Variants in TRPM7 observed in about 807,000 individuals in gnomAD.
The protein encoded by TRPM7 is transient receptor potential cation channel subfamily M member 7.
Under a neutral mutation model 229.7 loss-of-function variants are expected in TRPM7, and 134 were observed. The observed-to-expected ratio is 0.58, with a 90% CI of 0.51 to 0.67. TRPM7 has a LOEUF of 0.67. Among genes scored for constraint, TRPM7 ranks in the 30% least tolerant of loss-of-function variants. The pLI, the probability that TRPM7 is intolerant of heterozygous loss-of-function variation, is 0.00. For synonymous variants in TRPM7, 699 were observed against 715.2 expected (o/e 0.98, Z 0.36); for missense variants, 1,901 against 2,210.0 (o/e 0.86, Z 2.80).
At chr15:50,629,080 G>A (rs2060649273) in intron 10 of TRPM7, among the ~76,000 whole-genome samples, 1 of 152,072 alleles carries the variant, frequency 6.6e-6, no homozygotes, top group South Asian at 2.1e-4. Flanking sequence ...TGAATTTTTT[G>A]CTGAGTATGT....
rs1331830399 is a variant in TRPM7, at chr15:50,637,446, T to C, written c.808A>G (p.Ile270Val). ...VRLRRELEKT[I>V]NQQRIHARIG... The stretch of plus-strand genomic sequence containing the variant: ...CTAGCATGAATTCTTTGCTGATTAA[T>C]AGTTTTTTCAAGTTCTCTTCTCAGT... Residue 270 changes from isoleucine (I) to valine (V), a missense_variant, in exon 7 of 39, where the codon ATT becomes GTT. Ile to Val is a conservative substitution (Grantham distance 29). Transcript: ENST00000646667. 5.6e-6 allele frequency: 9 copies of C among 1,611,740 alleles called. No homozygotes were observed. The South Asian group carries it at 1.0e-4, about 18-fold the overall frequency.
intron 17 of TRPM7, 135 bp from the exon 18 acceptor site, chr15:50,610,096 G>A: frequency 6.3e-6 from 4 of 633,000 alleles, no homozygotes; most frequent in South Asian, 3.2e-5. Flanking sequence ...TAGCAGTAGA[G>A]GGAAAAAAAA....
At chr15:50,582,816 T>C (rs1465628027) in intron 29 of TRPM7, among the ~76,000 whole-genome samples, 1 of 152,190 alleles carries the variant, frequency 6.6e-6, no homozygotes, top group African/African-American at 2.4e-5. Flanking sequence ...AATCAATCAT[T>C]ATCGCAGTTA....
chr15:50,652,328 C>CAAAAAAAAAAAAAAAAAAAAAAAAAAAAA (rs34122648), intron 3 of TRPM7, among the ~76,000 whole-genome samples: 1 of 34,230 alleles, frequency 2.9e-5, no homozygotes, highest in Non-Finnish European at 4.7e-5. Flanking sequence ...GACTCCATCT[C>CAAAAAAAAAAAAAAAAAAAAAAAAAAAAA]AAAAAAAAAA....
In TRPM7 at chr15:50,592,118, C is replaced by G. The variant is rs1182636776; in HGVS notation, c.4117G>C (p.Glu1373Gln). The G allele has an allele frequency of 1.2e-6, 2 of 1,612,580 alleles. No individual in the cohort carries two copies. The highest frequency in any genetic ancestry group is 2.7e-5 in the African/African-American group (2 of 74,754). ...TTTTTATTAAATATTTTTAAGAGTT[C>G]TACCCCATGTAGTCTCTGTCGCAGT... Reference protein sequence around the residue: ...PELRQRLHGVELLKIFNKNQK... With the variant: ...PELRQRLHGVQLLKIFNKNQK... Residue 1373 changes from glutamate to glutamine, a missense_variant, in exon 26 of 39, where the codon GAA (glutamate) becomes CAA (glutamine). This residue lies in a region of TRPM7 where 533 missense variants were observed against 497.1 expected (regional missense o/e 1.07). Coordinates refer to ENST00000646667, the MANE Select transcript of TRPM7 (RefSeq NM_017672.6).
chr15:50,638,479 G>A (rs1356549527), intron 6 of TRPM7, among the ~76,000 whole-genome samples: 1 of 150,792 alleles, frequency 6.6e-6, no homozygotes, highest in African/African-American at 2.4e-5. Context: ...AACCTGGGAG[G>A]AGGAGGTTGC....
chr15:50,679,035 G>A (rs139043132), intron 1 of TRPM7, among the ~76,000 whole-genome samples: 3,400 of 151,598 alleles, frequency 0.022, 124 homozygotes, highest in African/African-American at 0.078. Context: ...CACCACGCCC[G>A]GCTAATTTTT....
At chr15:50,666,007 T>TA (rs762777662) in intron 1 of TRPM7, among the ~76,000 whole-genome samples, 10 of 148,260 alleles carry the variant, frequency 6.7e-5, no homozygotes, top group Non-Finnish European at 1.5e-4. Context: ...AATAATAATT[T>TA]AAAAAAAAGG....
At chr15:50,673,200 C>T (rs1009265238) in intron 1 of TRPM7, among the ~76,000 whole-genome samples, 10 of 152,174 alleles carry the variant, frequency 6.6e-5, no homozygotes, top group Admixed American at 2.0e-4. Context: ...TCGCCCAGAA[C>T]AACTTCCAGG....
intron 16 of TRPM7, among the ~76,000 whole-genome samples, chr15:50,612,322 C>A (rs1260603743): frequency 6.6e-6 from 1 of 152,098 alleles, no homozygotes; most frequent in Non-Finnish European, 1.5e-5. Context: ...TTCTTTCTTG[C>A]TGAGATATTT....
intron 2 of TRPM7, among the ~76,000 whole-genome samples, chr15:50,662,454 T>TA (rs542501340): frequency 1.5e-3 from 225 of 152,350 alleles, no homozygotes; most frequent in Middle Eastern, 3.4e-3. Flanking sequence ...AAAGCCATCT[T>TA]AGAGACCAAA....
Position 50,609,848 on chromosome 15 carries a change from G to A in TRPM7, c.2394C>T (p.Asp798=), listed in dbSNP as rs1293892282. 1.2e-6 allele frequency: 2 copies of A among 1,612,854 alleles called. No individual in the cohort carries two copies. Among genetic ancestry groups the A allele is most frequent in the Admixed American group, 1.7e-5 (1 of 59,962 alleles). ...TTATGTTCTGAAAGTTGTTTTCGCT[G>A]TCATCCATTGTCATCTGATGAGCAT... ...SQDAHQMTMD[D]SENNFQNITE... The change falls in exon 18 of 39, where the codon GAC becomes GAT. Residue 798 remains aspartate, a synonymous_variant. Coordinates refer to ENST00000646667, the MANE Select transcript of TRPM7 (RefSeq NM_017672.6).
chr15:50,595,188 C>T (rs988166133), intron 23 of TRPM7, among the ~76,000 whole-genome samples: 18 of 151,658 alleles, frequency 1.2e-4, no homozygotes, highest in African/African-American at 4.4e-4. Flanking sequence ...GGGCAACAGG[C>T]TGTCTCAAAA....
intron 10 of TRPM7, among the ~76,000 whole-genome samples, chr15:50,629,857 AC>A (rs1246795831): frequency 1.6e-5 from 2 of 124,270 alleles, no homozygotes; most frequent in South Asian, 2.6e-4. Context: ...TCTCTTTTTA[AC>A]CTTTTTTTTT....
intron 1 of TRPM7, among the ~76,000 whole-genome samples, chr15:50,681,007 C>T (rs1429500024): frequency 1.3e-5 from 2 of 152,086 alleles, no homozygotes; most frequent in Non-Finnish European, 2.9e-5. Context: ...AATCCCAGCA[C>T]TTTGGGAGGC....
At chr15:50,588,717 T>A (rs1164347359) in intron 27 of TRPM7, among the ~76,000 whole-genome samples, 2 of 152,226 alleles carry the variant, frequency 1.3e-5, no homozygotes, top group African/African-American at 4.8e-5. Flanking sequence ...AATTATCTTG[T>A]TGTAGCCACA....
chr15:50,678,663 C>T (rs1225318416), intron 1 of TRPM7, among the ~76,000 whole-genome samples: 1 of 151,890 alleles, frequency 6.6e-6, no homozygotes, highest in Non-Finnish European at 1.5e-5. Flanking sequence ...GATACGAACC[C>T]TATGAGAGTT....
intron 9 of TRPM7, among the ~76,000 whole-genome samples, chr15:50,632,517 A>G (rs1021211789): frequency 1.3e-5 from 2 of 152,178 alleles, no homozygotes; most frequent in Non-Finnish European, 2.9e-5. Context: ...TAATAGGCTT[A>G]AGCACATTAA....
At chr15:50,612,287 G>A (rs1438652626) in intron 16 of TRPM7, among the ~76,000 whole-genome samples, 1 of 152,064 alleles carries the variant, frequency 6.6e-6, no homozygotes, top group Non-Finnish European at 1.5e-5. Flanking sequence ...GACGGGGTCT[G>A]CCTATGTTGC....
Sources: allele counts gnomAD v4.1 joint callset (sites outside exome capture counted in the v4.1 genomes callset), GRCh38; gene constraint gnomAD v4.1.1; regional missense constraint gnomAD v4.1.1; transcripts MANE v1.5; gene names NCBI Gene and HGNC (gene_info 2026-07-23, HGNC 2026-07-21).